Variants in NSUN2 observed in about 807,000 individuals in gnomAD.
NSUN2 encodes the protein RNA cytosine C(5)-methyltransferase NSUN2.
Under a neutral mutation model 92.7 loss-of-function variants are expected in NSUN2, and 63 were observed. The observed-to-expected ratio is 0.68, with a 90% CI of 0.56 to 0.84. NSUN2 has a LOEUF of 0.84. Among genes scored for constraint, NSUN2 ranks in the 40% least tolerant of loss-of-function variants. The pLI, the probability that NSUN2 is intolerant of heterozygous loss-of-function variation, is 0.00. For missense variants in NSUN2, 989 were observed against 964.9 expected, an observed-to-expected ratio of 1.02 and a Z score of -0.33; for synonymous variants, 356 against 348.3, an observed-to-expected ratio of 1.02 and a Z score of -0.25.
chr5:6,617,734 T>C (rs1737268680), intron 8 of NSUN2, among the ~76,000 whole-genome samples: 1 of 152,270 alleles, frequency 6.6e-6, no homozygotes, highest in African/African-American at 2.4e-5. Context: ...ATAGAAGGCA[T>C]TTTTAATAAA....
At chr5:6,622,804 GC>G (rs2126500423) in intron 5 of NSUN2, among the ~76,000 whole-genome samples, 1 of 145,540 alleles carries the variant, frequency 6.9e-6, no homozygotes, top group South Asian at 2.2e-4. Context: ...CCAAGATCGC[GC>G]CACTGCACTC....
Position 6,599,905 on chromosome 5 carries a change from C to T in NSUN2, c.*21G>A. On this transcript the variant is annotated 3_prime_UTR_variant, in exon 19 of 19. Transcript: ENST00000264670. Reference sequence around the variant, plus strand: ...CAGTTTTGCGTGTGAGGGGTGTGGGCCCCCGCTGCCTTGGGCCTGCTCACC... The same window carrying T: ...CAGTTTTGCGTGTGAGGGGTGTGGGTCCCCGCTGCCTTGGGCCTGCTCACC... The T allele has an allele frequency of 6.2e-7, 1 of 1,604,052 alleles. No individual in the cohort carries two copies. The highest frequency in any genetic ancestry group is 8.5e-7 in the Non-Finnish European group (1 of 1,175,554).
intron 5 of NSUN2, among the ~76,000 whole-genome samples, chr5:6,622,417 A>G (rs1737483180): frequency 6.6e-6 from 1 of 152,234 alleles, no homozygotes; most frequent in South Asian, 2.1e-4. Context: ...ATCTCAGCTC[A>G]GCCAGTTAAC....
chr5:6,622,357 G>GT (rs1737480721), intron 5 of NSUN2, among the ~76,000 whole-genome samples: 1 of 152,162 alleles, frequency 6.6e-6, no homozygotes, highest in African/African-American at 2.4e-5. Context: ...AGATGAACAA[G>GT]TAAGAATCAT....
chr5:6,622,311 G>A (rs763190589), intron 5 of NSUN2, among the ~76,000 whole-genome samples: 1 of 152,178 alleles, frequency 6.6e-6, no homozygotes, highest in Non-Finnish European at 1.5e-5. Context: ...AGGATGGGAG[G>A]AGAATGAAAC....
At chr5:6,605,088 C>A in intron 15 of NSUN2, 185 bp downstream of exon 15, 1 of 779,838 alleles carries the variant, frequency 1.3e-6, no homozygotes. Context: ...AGGACTCTGG[C>A]AGGAACCATT....
chr5:6,607,634 T>G (rs934642871), intron 12 of NSUN2, among the ~76,000 whole-genome samples: 1 of 152,224 alleles, frequency 6.6e-6, no homozygotes, highest in East Asian at 1.9e-4. Context: ...ATATACAGCC[T>G]GTTCCTTAGC....
intron 14 of NSUN2, 93 bp from the exon 15 acceptor site, chr5:6,605,501 C>A: frequency 1.5e-6 from 2 of 1,377,070 alleles, no homozygotes; most frequent in Non-Finnish European, 1.0e-6. Context: ...AGAATTCAAT[C>A]CCCAAAACTG....
rs543325766 is a variant in NSUN2 at position 6,614,124 on chromosome 5, C to CCTCCCACCA, written c.1022-2327_1022-2326insTGGTGGGAG. Among the ~76,000 whole-genome samples, 5 of 73,192 alleles carry CCTCCCACCA rather than the reference C, an allele frequency of 6.8e-5. 1 individual carries two copies. The highest frequency in any genetic ancestry group is 3.0e-4 in the Admixed American group (2 of 6,734). The allele number at this position is 73,192 out of a possible 152,430, so 48.0% of individuals were successfully genotyped here. A position where few individuals can be genotyped will look rare whatever the true frequency, so the allele number is the denominator to read the frequency against. On this transcript the variant is annotated intron_variant, in intron 9 of 18. Transcript: ENST00000264670. ...AAAAAAAAAAAAAAAAAAAAAAAAC[C>CCTCCCACCA]CACAACACACACATATAGACAGACA...
At chr5:6,606,165 C>A (rs911517645) in intron 14 of NSUN2, among the ~76,000 whole-genome samples, 1 of 152,250 alleles carries the variant, frequency 6.6e-6, no homozygotes, top group Non-Finnish European at 1.5e-5. Flanking sequence ...CTCACCCATG[C>A]TGCTCTTCAT....
chr5:6,626,541 G>T (rs567886325), intron 3 of NSUN2, among the ~76,000 whole-genome samples: 1 of 152,092 alleles, frequency 6.6e-6, no homozygotes, highest in Non-Finnish European at 1.5e-5. Context: ...TAGAGATGTG[G>T]TTTTGCCGTG....
intron 2 of NSUN2, among the ~76,000 whole-genome samples, chr5:6,632,223 C>A (rs1416688232): frequency 4.0e-5 from 6 of 151,662 alleles, no homozygotes; most frequent in Non-Finnish European, 7.4e-5. Flanking sequence ...GTTTTACTTG[C>A]GACTCATTTA....
At position 6,604,360 on chromosome 5, in the gene NSUN2, T is replaced by C; in HGVS notation, c.1819-84A>G. Reference sequence around the variant, plus strand: ...AGCCTGCTCTCAGGGGCTATGCTCTTAGCGGCTATGGTGGTCGAGCCCTCA... The same window carrying C: ...AGCCTGCTCTCAGGGGCTATGCTCTCAGCGGCTATGGTGGTCGAGCCCTCA... On this transcript the variant is annotated intron_variant, in intron 16 of 18. Coordinates refer to ENST00000264670, the MANE Select transcript of NSUN2 (RefSeq NM_017755.6). The C allele has an allele frequency of 3.9e-6, 5 of 1,295,964 alleles. No individual in the cohort carries two copies. The South Asian group carries it at 6.8e-5, about 18-fold the overall frequency. The allele number at this position is 1,295,964 out of a possible 1,614,324, so 80.3% of individuals were successfully genotyped here.
chr5:6,605,350 C>T lies in NSUN2; in HGVS notation c.1660G>A (p.Glu554Lys). The T allele has an allele frequency of 6.2e-7, 1 of 1,614,224 alleles. No homozygotes were observed. Among genetic ancestry groups the T allele is most frequent in the Non-Finnish European group, 8.5e-7 (1 of 1,180,038 alleles). The change falls in exon 15 of 19, where the codon GAA (glutamate) becomes AAA (lysine). Residue 554 changes from glutamate (E) to lysine (K), a missense_variant. Physicochemically the swap from Glu to Lys is moderately conservative, Grantham distance 56. This residue lies in a region of NSUN2 where 626 missense variants were observed against 602.3 expected (regional missense o/e 1.04). Coordinates refer to ENST00000264670, the MANE Select transcript of NSUN2 (RefSeq NM_017755.6). ...ATGTAGAGCTGCCTTTTCTTCCCTT[C>T]TGTAGTCCGAGTTAACAAATTCATC... ...PRMNLLTRTTEGKKRQLYMVS... is the reference protein window; with the variant it reads ...PRMNLLTRTTKGKKRQLYMVS...
Position 6,600,080 on chromosome 5 carries a change from A to T in NSUN2, c.2150T>A (p.Leu717His), listed in dbSNP as rs1736485418. 1.2e-6 allele frequency: 2 copies of T among 1,614,066 alleles called. No individual in the cohort carries two copies. The highest frequency in any genetic ancestry group is 1.3e-5 in the African/African-American group (1 of 74,908). Reference sequence around the variant, plus strand: ...GGTGCTGGCTGCACTCTCATTTGTGAGGATAACCCCTTCCTTCTTCTTTTC... The same window carrying T: ...GGTGCTGGCTGCACTCTCATTTGTGTGGATAACCCCTTCCTTCTTCTTTTC... ...LGEKKKEGVI[L>H]TNESAASTGQ... The change falls in exon 19 of 19, where the codon CTC becomes CAC. Residue 717 changes from leucine (L) to histidine (H), a missense_variant. Physicochemically the swap from Leu to His is moderately conservative, Grantham distance 99. Around this residue, in one of 3 missense-constraint regions of NSUN2, gnomAD observed 626 missense variants for 602.3 expected, o/e 1.04. Coordinates refer to ENST00000264670, the MANE Select transcript of NSUN2 (RefSeq NM_017755.6).
rs147567101 is a variant in NSUN2 at position 6,612,249 on chromosome 5, C to T, written c.1022-451G>A. Among the ~76,000 whole-genome samples, 384 of 152,310 alleles carry T rather than the reference C, an allele frequency of 2.5e-3. 1 individual carries two copies. The highest frequency in any genetic ancestry group is 8.8e-3 in the African/African-American group (365 of 41,560). ...ACAACCAGAAGGCTGGGCTGCAGGA[C>T]GCCTGCTCCGTCTCCCCATTCCAAT... On this transcript the variant is annotated intron_variant, in intron 9 of 18. Coordinates refer to ENST00000264670, the MANE Select transcript of NSUN2 (RefSeq NM_017755.6).
At chr5:6,625,525 G>A (rs1737621411) in intron 4 of NSUN2, 39 bp downstream of exon 4, 1 of 1,478,234 alleles carries the variant, frequency 6.8e-7, no homozygotes, top group Admixed American at 1.7e-5. Flanking sequence ...TGCATTTACA[G>A]CTTTAAGGAA....
chr5:6,601,183 T>TCAA (rs1736540522), intron 18 of NSUN2, among the ~76,000 whole-genome samples: 2 of 151,880 alleles, frequency 1.3e-5, no homozygotes, highest in Non-Finnish European at 2.9e-5. Context: ...AAACCATTAT[T>TCAA]CCTGAAGTTG....
intron 12 of NSUN2, 73 bp from the exon 13 acceptor site, chr5:6,607,457 C>T (rs1179374229): frequency 7.1e-6 from 9 of 1,267,760 alleles, no homozygotes; most frequent in Non-Finnish European, 8.8e-6. Flanking sequence ...GTTAAAAATA[C>T]CACGTTCACA....
Sources: allele counts gnomAD v4.1 joint callset (sites outside exome capture counted in the v4.1 genomes callset), GRCh38; gene constraint gnomAD v4.1.1; regional missense constraint gnomAD v4.1.1; transcripts MANE v1.5; gene names NCBI Gene and HGNC (gene_info 2026-07-23, HGNC 2026-07-21).